Variants in NRXN3 observed in about 807,000 individuals in gnomAD.
NRXN3 encodes neurexin 3.
Under a neutral mutation model 137.6 loss-of-function variants are expected in NRXN3, and 32 were observed. The ratio of observed to expected loss-of-function variants is 0.23; its 90% confidence interval spans 0.18 to 0.31. The LOEUF (loss-of-function observed/expected upper bound fraction) is 0.31, where lower values mean the gene tolerates loss of function less well. NRXN3 is among the 10% of genes least tolerant of loss of function. NRXN3 has a pLI of 1.00. For synonymous variants in NRXN3, 798 were observed against 784.5 expected (o/e 1.02, Z -0.29); for missense variants, 1,574 against 2,062.5 (o/e 0.76, Z 4.59).
intron 16 of NRXN3, among the ~76,000 whole-genome samples, chr14:79,540,595 A>G (rs1419573543): frequency 6.6e-6 from 1 of 152,212 alleles, no homozygotes; most frequent in Non-Finnish European, 1.5e-5. Flanking sequence ...GTCACAGCCT[A>G]GGTAGGTTGA....
chr14:79,076,939 A>G (rs2046075745), intron 15 of NRXN3, among the ~76,000 whole-genome samples: 1 of 152,176 alleles, frequency 6.6e-6, no homozygotes, highest in South Asian at 2.1e-4. Flanking sequence ...AAGTACCTAC[A>G]TGCCCATGAA....
In NRXN3 at chr14:79,256,923, G is replaced by C. The variant is rs148274828; in HGVS notation, c.3263-210298G>C. 3.7e-3 allele frequency among the ~76,000 whole-genome samples: 564 copies of C among 152,256 alleles called. 3 individuals are homozygous for C. Among genetic ancestry groups the C allele is most frequent in the African/African-American group, 0.013 (523 of 41,562 alleles). The stretch of plus-strand genomic sequence containing the variant: ...CATGCATACATGTGTGTGACAGAAA[G>C]AGACAGAAAGAAAGGCTGCCTGACT... On this transcript the variant is annotated intron_variant, in intron 15 of 20. Transcript: ENST00000335750.
At chr14:78,932,443 A>G (rs2099324854) in intron 10 of NRXN3, among the ~76,000 whole-genome samples, 1 of 152,200 alleles carries the variant, frequency 6.6e-6, no homozygotes, top group Admixed American at 6.5e-5. Context: ...TTTAGAAGAA[A>G]TTCTGAAGGA....
chr14:78,931,305 A>C (rs2099321191), intron 10 of NRXN3, among the ~76,000 whole-genome samples: 2 of 152,200 alleles, frequency 1.3e-5, no homozygotes, highest in African/African-American at 4.8e-5. Context: ...AGTCGTCTAA[A>C]GAATCAGTAA....
intron 15 of NRXN3, among the ~76,000 whole-genome samples, chr14:79,161,576 T>C (rs2060774807): frequency 1.3e-5 from 2 of 152,000 alleles, no homozygotes; most frequent in Admixed American, 6.6e-5. Flanking sequence ...ATTGGATGTA[T>C]GCTAAAGCGT....
In NRXN3 at chr14:79,271,226, T is replaced by C. The variant is rs535991599; in HGVS notation, c.3263-195995T>C. 5.3e-4 allele frequency among the ~76,000 whole-genome samples: 81 copies of C among 152,292 alleles called. 1 individual carries two copies. Among genetic ancestry groups the C allele is most frequent in the African/African-American group, 1.9e-3 (80 of 41,562 alleles). ...TGAAAAGTAACTACATGGAATAAAT[T>C]AAACAGAGGAAAACTCCTGGCTATG... On this transcript the variant is annotated intron_variant, in intron 15 of 20. Coordinates refer to ENST00000335750, the MANE Select transcript of NRXN3 (RefSeq NM_001330195.2).
chr14:78,613,740 C>A (rs2097321948), intron 4 of NRXN3, among the ~76,000 whole-genome samples: 1 of 151,904 alleles, frequency 6.6e-6, no homozygotes, highest in Admixed American at 6.6e-5. Flanking sequence ...AAAAATAAAG[C>A]CGGGACAGAA....
chr14:78,811,929 T>C (rs2098914908), intron 10 of NRXN3, among the ~76,000 whole-genome samples: 1 of 152,228 alleles, frequency 6.6e-6, no homozygotes, highest in Admixed American at 6.5e-5. Context: ...TCATGATATT[T>C]AGATCATTAA....
intron 4 of NRXN3, among the ~76,000 whole-genome samples, chr14:78,578,093 T>C (rs2096955149): frequency 6.6e-6 from 1 of 152,214 alleles, no homozygotes; most frequent in South Asian, 2.1e-4. Context: ...ATGCATAAAT[T>C]ACCATGACTT....
At chr14:79,355,876 ATC>A (rs2093404406) in intron 15 of NRXN3, among the ~76,000 whole-genome samples, 1 of 152,146 alleles carries the variant, frequency 6.6e-6, no homozygotes, top group Non-Finnish European at 1.5e-5. Context: ...TCCCACACAA[ATC>A]TGAGTAAAGA....
chr14:78,378,822 A>G (rs1460129603), intron 4 of NRXN3, among the ~76,000 whole-genome samples: 2 of 152,286 alleles, frequency 1.3e-5, no homozygotes, highest in Middle Eastern at 3.4e-3. Flanking sequence ...ACAACCTAGA[A>G]CATCAATGAA....
intron 15 of NRXN3, among the ~76,000 whole-genome samples, chr14:79,066,951 C>G (rs1222239809): frequency 1.3e-5 from 2 of 151,920 alleles, no homozygotes; most frequent in African/African-American, 4.8e-5. Context: ...ATTCAAATAC[C>G]TTTTATTTTT....
At chr14:79,106,323 A>C (rs959285084) in intron 15 of NRXN3, among the ~76,000 whole-genome samples, 3 of 152,108 alleles carry the variant, frequency 2.0e-5, no homozygotes, top group African/African-American at 7.2e-5. Flanking sequence ...CCATGTTGGC[A>C]GTATAGATGT....
intron 4 of NRXN3, among the ~76,000 whole-genome samples, chr14:78,453,702 C>T (rs1007945941): frequency 6.6e-6 from 1 of 152,142 alleles, no homozygotes; most frequent in African/African-American, 2.4e-5. Flanking sequence ...AACGTGAGGT[C>T]ATTAGGGTGG....
chr14:79,471,701 A>G (rs1356483043), intron 16 of NRXN3, among the ~76,000 whole-genome samples: 3 of 152,136 alleles, frequency 2.0e-5, no homozygotes, highest in African/African-American at 7.2e-5. Context: ...GGGATGTGCA[A>G]TGTTGTGTGG....
chr14:78,179,183 C>T (rs2059553047), intron 1 of NRXN3, among the ~76,000 whole-genome samples: 1 of 152,112 alleles, frequency 6.6e-6, no homozygotes, highest in South Asian at 2.1e-4. Flanking sequence ...ATCTGTGTCA[C>T]AGGATAAAGG....
chr14:79,817,880 G>A (rs2099256538), intron 20 of NRXN3, among the ~76,000 whole-genome samples: 2 of 152,020 alleles, frequency 1.3e-5, no homozygotes, highest in South Asian at 2.1e-4. Context: ...TTGGTTGATG[G>A]GGGTTATAAA....
chr14:78,179,562 C>T (rs994133865), intron 1 of NRXN3, among the ~76,000 whole-genome samples: 1 of 152,100 alleles, frequency 6.6e-6, no homozygotes, highest in Non-Finnish European at 1.5e-5. Flanking sequence ...AGTGGCACCC[C>T]AGGAGGGTCG....
chr14:78,200,424 C>T (rs1471439267), intron 1 of NRXN3, among the ~76,000 whole-genome samples: 1 of 152,144 alleles, frequency 6.6e-6, no homozygotes, highest in Non-Finnish European at 1.5e-5. Context: ...TCAAGGTCAC[C>T]TGGGGTCCCA....
Sources: gnomAD v4.1 joint callset for allele counts (sites outside exome capture counted in the v4.1 genomes callset) on GRCh38, gnomAD v4.1.1 for gene constraint, MANE v1.5 for transcripts, NCBI Gene and HGNC (gene_info 2026-07-23, HGNC 2026-07-21) for gene names.